The following LRRC3B variants were observed in gnomAD, a reference collection of about 807,000 sequenced individuals.
The protein encoded by LRRC3B is leucine rich repeat containing 3B.
A neutral mutation model predicts 12.8 loss-of-function variants in LRRC3B; 2 were observed. The ratio of observed to expected loss-of-function variants is 0.16; its 90% confidence interval spans 0.06 to 0.49. The LOEUF is 0.49. Among genes scored for constraint, LRRC3B ranks in the 20% least tolerant of loss-of-function variants. The pLI is 0.96. For synonymous variants in LRRC3B, 132 were observed against 122.0 expected (o/e 1.08, Z -0.54); for missense variants, 189 against 319.4 (o/e 0.59, Z 3.11).
chr3:26,668,383 A>G (rs1052830959), intron 1 of LRRC3B, among the ~76,000 whole-genome samples: 2 of 152,172 alleles, frequency 1.3e-5, no homozygotes, highest in East Asian at 1.9e-4. Flanking sequence ...GAAATTGCCC[A>G]ATGGGACAAT....
intron 1 of LRRC3B, among the ~76,000 whole-genome samples, chr3:26,635,789 C>A (rs966822231): frequency 6.6e-6 from 1 of 152,176 alleles, no homozygotes; most frequent in African/African-American, 2.4e-5. Flanking sequence ...TACCACCAGC[C>A]TGGCACATAA....
chr3:26,681,631 G>A (rs980250736), intron 1 of LRRC3B, among the ~76,000 whole-genome samples: 7 of 152,128 alleles, frequency 4.6e-5, no homozygotes. Context: ...AACATGAAGT[G>A]TATAAAGCCT....
chr3:26,688,525 C>T (rs1700130924), intron 1 of LRRC3B, among the ~76,000 whole-genome samples: 1 of 152,168 alleles, frequency 6.6e-6, no homozygotes, highest in Non-Finnish European at 1.5e-5. Flanking sequence ...TGCTCAGCTT[C>T]TGGGGAGGCC....
At chr3:26,645,568 A>G (rs1699125849) in intron 1 of LRRC3B, among the ~76,000 whole-genome samples, 1 of 152,056 alleles carries the variant, frequency 6.6e-6, no homozygotes. Flanking sequence ...ATATATAGAT[A>G]TATACACATG....
At chr3:26,702,937 G>A (rs1444229332) in intron 1 of LRRC3B, among the ~76,000 whole-genome samples, 4 of 152,032 alleles carry the variant, frequency 2.6e-5, no homozygotes, top group African/African-American at 7.2e-5. Context: ...TTTACTTTTG[G>A]GTATGCAAAG....
In LRRC3B at chr3:26,634,057, G is replaced by A. The variant is rs142401053; in HGVS notation, c.-161+10820G>A. On this transcript the variant is annotated intron_variant, in intron 1 of 1. Transcript: ENST00000396641. ...GCTATATTCAGCTTTCCACAGCAAA[G>A]TGGAGCCCTGGGTTGCCAAGCTTGG... 2.2e-3 allele frequency among the ~76,000 whole-genome samples: 333 copies of A among 152,336 alleles called. 1 individual carries two copies. The highest frequency in any genetic ancestry group is 6.2e-3 in the African/African-American group (256 of 41,578).
At chr3:26,637,220 A>G (rs1575115699) in intron 1 of LRRC3B, among the ~76,000 whole-genome samples, 1 of 152,044 alleles carries the variant, frequency 6.6e-6, no homozygotes, top group East Asian at 2.0e-4. Flanking sequence ...CTAAATGTAC[A>G]TTCATGTTGT....
exon 2 of LRRC3B, chr3:26,709,791 G>A: frequency 1.2e-6 from 2 of 1,614,096 alleles, no homozygotes; most frequent in Non-Finnish European, 1.7e-6. Context: ...GGCTGTCTTT[G>A]TTCTTCCTCT....
intron 1 of LRRC3B, among the ~76,000 whole-genome samples, chr3:26,644,282 C>T (rs576043483): frequency 1.3e-5 from 2 of 152,274 alleles, no homozygotes; most frequent in East Asian, 3.9e-4. Context: ...GGCTTTTGTT[C>T]TAACAAATTC....
chr3:26,632,358 C>T (rs1698774630), intron 1 of LRRC3B, among the ~76,000 whole-genome samples: 1 of 152,134 alleles, frequency 6.6e-6, no homozygotes, highest in Non-Finnish European at 1.5e-5. Context: ...CTTAGTATGG[C>T]TTAATAGATC....
chr3:26,690,765 T>C (rs1700172505), intron 1 of LRRC3B, among the ~76,000 whole-genome samples: 1 of 152,066 alleles, frequency 6.6e-6, no homozygotes, highest in African/African-American at 2.4e-5. Context: ...AAACTATTCA[T>C]GTGATAACAG....
At chr3:26,693,084 A>C (rs1700225494) in intron 1 of LRRC3B, among the ~76,000 whole-genome samples, 1 of 152,066 alleles carries the variant, frequency 6.6e-6, no homozygotes, top group South Asian at 2.1e-4. Context: ...TAATCCCAGC[A>C]CTTTGGGAGG....
chr3:26,681,967 C>T (rs530908908), intron 1 of LRRC3B, among the ~76,000 whole-genome samples: 65 of 151,784 alleles, frequency 4.3e-4, no homozygotes, highest in South Asian at 1.9e-3. Context: ...TTATATCCTA[C>T]GATAAAGTTT....
intron 1 of LRRC3B, among the ~76,000 whole-genome samples, chr3:26,659,072 T>C (rs1185662372): frequency 6.6e-6 from 1 of 152,202 alleles, no homozygotes; most frequent in Non-Finnish European, 1.5e-5. Context: ...ATGTTAAAAA[T>C]GGGAGGTGGA....
At chr3:26,639,490 ATTAAAT>A (rs1275722935) in intron 1 of LRRC3B, among the ~76,000 whole-genome samples, 32 of 106,978 alleles carry the variant, frequency 3.0e-4, no homozygotes, top group African/African-American at 1.2e-3. Context: ...TTAAATTTAA[ATTAAAT>A]TTAAATTAAA....
At chr3:26,639,943 G>A (rs1698987545) in intron 1 of LRRC3B, among the ~76,000 whole-genome samples, 1 of 152,126 alleles carries the variant, frequency 6.6e-6, no homozygotes, top group South Asian at 2.1e-4. Context: ...AGGTTCAGGG[G>A]TGAGTTTAGG....
chr3:26,685,506 T>A (rs1575160743), intron 1 of LRRC3B, among the ~76,000 whole-genome samples: 1 of 49,152 alleles, frequency 2.0e-5, no homozygotes, highest in African/African-American at 8.1e-5. Context: ...TCTCTCTCTC[T>A]CTCTCTCTCT....
chr3:26,652,295 T>G (rs1035537143), intron 1 of LRRC3B, among the ~76,000 whole-genome samples: 7 of 152,228 alleles, frequency 4.6e-5, no homozygotes, highest in Admixed American at 2.6e-4. Flanking sequence ...AGCTGGGGCC[T>G]GCGAAGCAGA....
At chr3:26,691,022 C>CAT (rs200223017) in intron 1 of LRRC3B, among the ~76,000 whole-genome samples, 159 of 142,676 alleles carry the variant, frequency 1.1e-3, no homozygotes, top group East Asian at 4.1e-3. Context: ...TATATACTTA[C>CAT]ATATATATAT....
Sources: allele counts gnomAD v4.1 joint callset (sites outside exome capture counted in the v4.1 genomes callset), GRCh38; gene constraint gnomAD v4.1.1; transcripts MANE v1.5; gene names NCBI Gene and HGNC (gene_info 2026-07-23, HGNC 2026-07-21).